GLOD4: variants seen among roughly 807,000 people sequenced by gnomAD.
GLOD4 encodes the protein glyoxalase domain containing 4.
In GLOD4, 44 loss-of-function variants were observed where a neutral mutation model predicts 39.1. The ratio of observed to expected loss-of-function variants is 1.13; its 90% CI spans 0.88 to 1.45. GLOD4 has a LOEUF of 1.45. Ranked by LOEUF, GLOD4 falls within the 40% of genes most tolerant of loss-of-function variation. The pLI is 0.00. For synonymous variants in GLOD4, 145 were observed against 135.0 expected (o/e 1.07, Z -0.52); for missense variants, 405 against 366.4 (o/e 1.11, Z -0.86).
intron 8 of GLOD4, among the ~76,000 whole-genome samples, chr17:765,921 A>G (rs951676017): frequency 6.6e-6 from 1 of 151,860 alleles, no homozygotes; most frequent in African/African-American, 2.4e-5. Context: ...GCGCCACTGC[A>G]CTCCAGCCTG....
chr17:782,303 C>G (rs1324107775), upstream of GLOD4: 2 of 1,611,504 alleles, frequency 1.2e-6, no homozygotes, highest in Non-Finnish European at 1.7e-6. Flanking sequence ...GCCCAGTCCA[C>G]GAAGGGCGCC....
rs112396332 is a variant in GLOD4 at position 770,050 on chromosome 17, G to A, written c.738C>T (p.Ala246=). Residue 246 remains alanine, a synonymous_variant, in exon 7 of 9, where the codon GCC becomes GCT. Transcript: ENST00000301329. ...CTGCCTGAGAAATACTTACAGGGTC[G>A]GCCAGAATGACCACCTGTACTGTTG... is the stretch of plus-strand genomic sequence containing the variant. ...GKATVQVVIL[A]DPDGHEICFV... 22 of 1,602,600 alleles carry A rather than the reference G, an allele frequency of 1.4e-5. No individual in the cohort carries two copies. Among genetic ancestry groups the A allele is most frequent in the South Asian group, 6.6e-5 (6 of 90,802 alleles).
chr17:771,401 C>T lies in GLOD4; in HGVS notation c.467G>A (p.Cys156Tyr). The change falls in exon 5 of 9, where the codon TGT becomes TAT. Residue 156 changes from cysteine to tyrosine, a missense_variant. By Grantham distance (194) the Cys-to-Tyr change is radical. Transcript: ENST00000301329. ...SDLQKSLNYW[C>Y]NLLGMKIYEK... ...ATAAATTTTCATTCCCAGTAGATTA[C>T]ACCAGTAGTTCAAGGACTTTTGAAG... The T allele has an allele frequency of 1.9e-6, 3 of 1,580,038 alleles. No individual in the cohort carries two copies. The highest frequency in any genetic ancestry group is 2.2e-5 in the South Asian group (2 of 89,628).
At position 771,314 on chromosome 17, in the gene GLOD4, AG is replaced by A; in HGVS notation, c.543+10del. 1 of 1,569,944 alleles carries A rather than the reference AG, an allele frequency of 6.4e-7. No individual in the cohort carries two copies. Among genetic ancestry groups the A allele is most frequent in the Non-Finnish European group, 8.7e-7 (1 of 1,156,040 alleles). ...CAAAGTAACAGGTTATTCTTCTCCA[AG>A]ATTGCTCACCTGGTTATCAGCATAG... On this transcript the variant is annotated intron_variant, in intron 5 of 8. Transcript: ENST00000301329.
upstream of GLOD4, chr17:783,204 T>C: frequency 6.2e-7 from 1 of 1,614,166 alleles, no homozygotes; most frequent in Admixed American, 1.7e-5. Flanking sequence ...AATGTTCTTC[T>C]TTAGCCGTCT....
chr17:785,080 A>C (rs1457895865), upstream of GLOD4, among the ~76,000 whole-genome samples: 1 of 152,206 alleles, frequency 6.6e-6, no homozygotes, highest in African/African-American at 2.4e-5. Flanking sequence ...ATTCAAAAAA[A>C]CTGTACAGTC....
chr17:779,960 C>A (rs554268218), intron 1 of GLOD4, among the ~76,000 whole-genome samples: 8 of 152,034 alleles, frequency 5.3e-5, no homozygotes, highest in Non-Finnish European at 1.2e-4. Flanking sequence ...GTCAGGAGAT[C>A]GAGACCATCC....
intron 8 of GLOD4, among the ~76,000 whole-genome samples, chr17:762,951 C>T (rs530055244): frequency 9.2e-5 from 14 of 151,902 alleles, no homozygotes; most frequent in Non-Finnish European, 1.8e-4. Context: ...CCGAGGCAGG[C>T]GGATCACGAG....
intron 8 of GLOD4, among the ~76,000 whole-genome samples, chr17:765,764 C>A (rs1906422479): frequency 6.6e-6 from 1 of 151,878 alleles, no homozygotes; most frequent in Admixed American, 6.6e-5. Context: ...GCCTGACCAA[C>A]ATGGTGAAAC....
Position 775,844 on chromosome 17 carries a change from C to A in GLOD4, c.337G>T (p.Gly113Cys), listed in dbSNP as rs1908837858. The part of the protein sequence containing the change: ...LEWPLTEVAE[G>C]VFETEAPGGY... The stretch of plus-strand genomic sequence containing the variant: ...CCCGGGGCCTCGGTTTCAAAAACAC[C>A]TTCTGCAACTTCCGTCAGTGGCCAC... Residue 113 changes from glycine (G) to cysteine (C), a missense_variant, in exon 4 of 9, where the codon GGT becomes TGT. By Grantham distance (159) the Gly-to-Cys change is radical. Transcript: ENST00000301329. 1 of 1,613,588 alleles carries A rather than the reference C, an allele frequency of 6.2e-7. No individual in the cohort carries two copies. The highest frequency in any genetic ancestry group is 8.5e-7 in the Non-Finnish European group (1 of 1,179,598).
intron 8 of GLOD4, among the ~76,000 whole-genome samples, chr17:768,560 G>C (rs1389162891): frequency 7.3e-6 from 1 of 136,206 alleles, no homozygotes; most frequent in African/African-American, 2.9e-5. Context: ...GTGAGAGAGA[G>C]AAACAGCGCG....
At chr17:762,528 G>A (rs1177977958) in intron 8 of GLOD4, among the ~76,000 whole-genome samples, 1 of 144,534 alleles carries the variant, frequency 6.9e-6, no homozygotes. Flanking sequence ...GGGATGAAGG[G>A]GAATAATTTC....
Position 760,229 on chromosome 17 carries a change from C to A in GLOD4, c.841G>T (p.Ala281Ser), listed in dbSNP as rs1382950255. 5.1e-6 allele frequency: 8 copies of A among 1,569,608 alleles called. No homozygotes were observed. In the African/African-American group the frequency reaches 1.1e-4, roughly 21 times the overall value. Residue 281 changes from alanine to serine, a missense_variant, in exon 9 of 9, where the codon GCA becomes TCA. Physicochemically the swap from Ala to Ser is moderately conservative, Grantham distance 99. Coordinates refer to ENST00000301329, the MANE Select transcript of GLOD4 (RefSeq NM_016080.4). ...GSKLLDDAMAADKSDEWFAKH... is the reference protein window; with the variant it reads ...GSKLLDDAMASDKSDEWFAKH... ...GCAAACCACTCGTCACTTTTATCTG[C>A]TGCCATTGCCTGTAAAATAGAAATA...
Position 760,010 on chromosome 17 carries a change from T to C in GLOD4, c.*163A>G. ...TCATGATTGGATTTCATTTCTAAAT[T>C]ACATCAGAGCTTTCAAAGATTGAAA... On this transcript the variant is annotated 3_prime_UTR_variant, in exon 9 of 9. Coordinates refer to ENST00000301329, the MANE Select transcript of GLOD4 (RefSeq NM_016080.4). 1.6e-6 allele frequency: 1 copy of C among 607,458 alleles called. No homozygotes were observed. Among genetic ancestry groups the C allele is most frequent in the Non-Finnish European group, 3.0e-6 (1 of 337,936 alleles). The allele number at this position is 607,458 out of a possible 1,614,324, so 37.6% of individuals were successfully genotyped here.
chr17:770,779 C>A, intron 5 of GLOD4: 1 of 313,438 alleles, frequency 3.2e-6, no homozygotes, highest in East Asian at 5.5e-5. Context: ...CATGTCAATA[C>A]ATAAAGATTT....
Position 771,460 on chromosome 17 carries a change from A to G in GLOD4, c.408T>C (p.Asp136=). 6.4e-7 allele frequency: 1 copy of G among 1,554,798 alleles called. No individual in the cohort carries two copies. Among genetic ancestry groups the G allele is most frequent in the Non-Finnish European group, 8.8e-7 (1 of 1,140,812 alleles). The change falls in exon 5 of 9, where the codon GAT becomes GAC. Residue 136 remains aspartate, a splice_region_variant and synonymous_variant. Transcript: ENST00000301329. ...YLQNRSLPQS[D]PVLKVTLAVS... ...CTGCTAGAGTTACTTTTAATACAGG[A>G]TCTGTTGGGTAATAAAGCAGGAATA...
chr17:765,132 C>G (rs1906288115), intron 8 of GLOD4: 1 of 151,104 alleles, frequency 6.6e-6, no homozygotes, highest in South Asian at 2.1e-4. Context: ...CCTACAGTGA[C>G]AGAAGTCAGA....
upstream of GLOD4, among the ~76,000 whole-genome samples, chr17:785,237 T>C (rs969838296): frequency 6.6e-6 from 1 of 152,176 alleles, no homozygotes; most frequent in African/African-American, 2.4e-5. Context: ...AAGAAACTTG[T>C]GGATATGTGA....
At chr17:771,237 T>TGAAG in intron 5 of GLOD4, 88 bp downstream of exon 5, 1 of 751,932 alleles carries the variant, frequency 1.3e-6, no homozygotes, top group South Asian at 2.0e-5. Flanking sequence ...TCATGTTAAC[T>TGAAG]TCATTTATAA....
Sources: gnomAD v4.1 joint callset for allele counts (sites outside exome capture counted in the v4.1 genomes callset) on GRCh38, gnomAD v4.1.1 for gene constraint, MANE v1.5 for transcripts, NCBI Gene and HGNC (gene_info 2026-07-23, HGNC 2026-07-21) for gene names.